MUC12: variants seen among roughly 807,000 people sequenced by gnomAD.
MUC12 encodes the protein mucin-12.
In MUC12, 172 loss-of-function variants were observed where a neutral mutation model predicts 230.8. That is an observed-to-expected ratio of 0.75 (90% CI 0.66 to 0.85). MUC12 has a LOEUF of 0.85. MUC12 is among the 40% of genes least tolerant of loss of function. The probability of loss-of-function intolerance (pLI) is 0.00; values close to 1 mark genes in which losing one functional copy is unlikely to be tolerated. For synonymous variants in MUC12, 1,259 were observed against 2,401.9 expected, an observed-to-expected ratio of 0.52 and a Z score of 13.91; for missense variants, 3,506 against 5,920.6, an observed-to-expected ratio of 0.59 and a Z score of 13.38.
intron 1 of MUC12, among the ~76,000 whole-genome samples, chr7:100,981,866 C>CTTT (rs533760849): frequency 1.0e-4 from 13 of 124,850 alleles, no homozygotes; most frequent in South Asian, 2.9e-4. Context: ...GCTGCTGCTG[C>CTTT]TTTTTTTTTT....
At chr7:101,008,889 T>A in intron 4 of MUC12, 128 bp downstream of exon 4, 1 of 1,355,554 alleles carries the variant, frequency 7.4e-7, no homozygotes, top group Non-Finnish European at 9.8e-7. Context: ...TCTCCCTAAG[T>A]CTTGAAAGGA....
intron 1 of MUC12, among the ~76,000 whole-genome samples, chr7:100,981,156 G>A (rs960472488): frequency 2.0e-5 from 3 of 152,088 alleles, no homozygotes; most frequent in African/African-American, 7.2e-5. Context: ...CTTCTCTTGG[G>A]CTTGTTGGCT....
At position 100,990,844 on chromosome 7, in the gene MUC12, C is replaced by T. The variant is rs1433284178; in HGVS notation, c.281C>T (p.Thr94Ile). The T allele has an allele frequency of 2.0e-6, 3 of 1,537,790 alleles. No homozygotes were observed. The highest frequency in any genetic ancestry group is 8.7e-7 in the Non-Finnish European group (1 of 1,146,996). The change falls in exon 2 of 12, where the codon ACA (threonine) becomes ATA (isoleucine). Residue 94 changes from threonine (T) to isoleucine (I), a missense_variant. Transcript: ENST00000536621. Reference protein sequence around the residue: ...SHSGPGATGTTLFPSHSATSV... With the variant: ...SHSGPGATGTILFPSHSATSV... Reference sequence around the variant, plus strand: ...AGCGGCCCAGGTGCAACTGGAACAACACTCTTCCCTTCCCACTCTGCAACC... The same window carrying T: ...AGCGGCCCAGGTGCAACTGGAACAATACTCTTCCCTTCCCACTCTGCAACC...
In MUC12 at chr7:101,005,166, G is replaced by A; in HGVS notation, c.14603G>A (p.Ser4868Asn). ...GSTETTAFSHSNTMSIHSQQS... is the reference protein window; with the variant it reads ...GSTETTAFSHNNTMSIHSQQS... ...ACTGAAACCACAGCGTTTTCTCACA[G>A]CAACACAATGTCCATTCATAGTCAA... The change falls in exon 2 of 12, where the codon AGC (serine) becomes AAC (asparagine). Residue 4868 changes from serine to asparagine, a missense_variant. Physicochemically the swap from Ser to Asn is conservative, Grantham distance 46. Coordinates refer to ENST00000536621, the MANE Select transcript of MUC12 (RefSeq NM_001164462.2). 1.3e-6 allele frequency: 2 copies of A among 1,537,882 alleles called. No homozygotes were observed. The highest frequency in any genetic ancestry group is 1.2e-5 in the South Asian group (1 of 84,060).
chr7:101,008,900 G>A (rs12538004), intron 4 of MUC12, 139 bp downstream of exon 4: 683,201 of 1,306,346 alleles, frequency 0.52, 180,428 homozygotes, highest in East Asian at 0.59. Context: ...CTTGAAAGGA[G>A]GTCCTTTGAG....
At chr7:100,987,965 A>T (rs1340568875) in intron 1 of MUC12, among the ~76,000 whole-genome samples, 1 of 142,964 alleles carries the variant, frequency 7.0e-6, no homozygotes, top group Non-Finnish European at 1.5e-5. Context: ...GAGTGAAACT[A>T]CGTCTAAAAA....
In MUC12 at chr7:100,991,033, C is replaced by A. The variant is rs893583187; in HGVS notation, c.470C>A (p.Thr157Lys). 1.3e-6 allele frequency: 2 copies of A among 1,537,916 alleles called. No homozygotes were observed. The highest frequency in any genetic ancestry group is 8.7e-7 in the Non-Finnish European group (1 of 1,147,064). Residue 157 changes from threonine to lysine, a missense_variant, in exon 2 of 12, where the codon ACA becomes AAA. Transcript: ENST00000536621. ...AGAACACTCTCACCTGCCCGCACGA[C>A]AAGCTCAGGCGTCAGTGAAAAATCA... ...PDRTLSPARTTSSGVSEKSTT... is the reference protein window; with the variant it reads ...PDRTLSPARTKSSGVSEKSTT...
chr7:101,013,368 C>T (rs1793866327), intron 8 of MUC12, among the ~76,000 whole-genome samples: 1 of 152,220 alleles, frequency 6.6e-6, no homozygotes, highest in African/African-American at 2.4e-5. Flanking sequence ...TGGGCAATCC[C>T]TTCCTGAGAA....
In MUC12 at chr7:101,003,391, C is replaced by A. The variant is rs1793653562; in HGVS notation, c.12828C>A (p.His4276Gln). ...TTGGTCCAGAATCTACTACCTTCCA[C>A]AGCAGCCCAGGCTCCACTGAAACAA... ...SSLGPESTTF[H>Q]SSPGSTETTL... The change falls in exon 2 of 12, where the codon CAC becomes CAA. Residue 4276 changes from histidine (H) to glutamine (Q), a missense_variant. Physicochemically the swap from His to Gln is conservative, Grantham distance 24. Coordinates refer to ENST00000536621, the MANE Select transcript of MUC12 (RefSeq NM_001164462.2). The A allele has an allele frequency of 6.6e-7, 1 of 1,524,382 alleles. No individual in the cohort carries two copies. The highest frequency in any genetic ancestry group is 1.5e-5 in the African/African-American group (1 of 67,468). The allele number at this position is 1,524,382 out of a possible 1,614,324, so 94.4% of individuals were successfully genotyped here.
intron 1 of MUC12, among the ~76,000 whole-genome samples, chr7:100,982,885 A>G (rs980102603): frequency 8.6e-5 from 13 of 151,886 alleles, no homozygotes; most frequent in Non-Finnish European, 1.9e-4. Flanking sequence ...AGGTGCATGT[A>G]CCACACTGGG....
chr7:101,008,885 T>C, intron 4 of MUC12, 124 bp downstream of exon 4: 7 of 1,366,090 alleles, frequency 5.1e-6, no homozygotes, highest in African/African-American at 1.5e-5. Context: ...CCAGTCTCCC[T>C]AAGTCTTGAA....
chr7:100,991,044 G>T lies in MUC12; in HGVS notation c.481G>T (p.Val161Phe). The change falls in exon 2 of 12, where the codon GTC becomes TTC. Residue 161 changes from valine (V) to phenylalanine (F), a missense_variant. Physicochemically the swap from Val to Phe is conservative, Grantham distance 50. Transcript: ENST00000536621. ...ACCTGCCCGCACGACAAGCTCAGGC[G>T]TCAGTGAAAAATCAACCACCTCCCA... ...LSPARTTSSG[V>F]SEKSTTSHSR... 1 of 1,537,400 alleles carries T rather than the reference G, an allele frequency of 6.5e-7. No homozygotes were observed. Among genetic ancestry groups the T allele is most frequent in the African/African-American group, 1.4e-5 (1 of 73,018 alleles).
rs1203534945 is a variant in MUC12, at chr7:100,972,183, G to A, written c.67+2494G>A. ...TCATATAATTCTCATGAGGAGATCT[G>A]TGTAAGGAAGTCGGGGCAGATGAGG... On this transcript the variant is annotated intron_variant, in intron 1 of 11. Transcript: ENST00000536621. 7.1e-6 allele frequency: 5 copies of A among 703,284 alleles called. No homozygotes were observed. The Admixed American group carries it at 8.0e-5, about 11-fold the overall frequency. 43.6% of individuals were successfully genotyped at this position (703,284 alleles called of 1,614,324 possible).
rs1374026045 is a variant in MUC12 at position 100,995,865 on chromosome 7, G to C, written c.5302G>C (p.Glu1768Gln). The change falls in exon 2 of 12, where the codon GAA becomes CAA. Residue 1768 changes from glutamate (E) to glutamine (Q), a missense_variant. Coordinates refer to ENST00000536621, the MANE Select transcript of MUC12 (RefSeq NM_001164462.2). ...CTCCACAACCTCAGGCCTCGTTGAAGAATCTACGGCGTACCACAGCAGCCC... is the reference window on the plus strand; with the variant it reads ...CTCCACAACCTCAGGCCTCGTTGAACAATCTACGGCGTACCACAGCAGCCC... ...ARSTTSGLVE[E>Q]STAYHSSPGS... The C allele has an allele frequency of 2.1e-6, 3 of 1,446,406 alleles. No homozygotes were observed. Among genetic ancestry groups the C allele is most frequent in the Non-Finnish European group, 2.8e-6 (3 of 1,080,404 alleles). The allele number at this position is 1,446,406 out of a possible 1,614,324, so 89.6% of individuals were successfully genotyped here.
intron 1 of MUC12, among the ~76,000 whole-genome samples, chr7:100,978,675 AG>A (rs962065099): frequency 7.9e-5 from 12 of 152,148 alleles, no homozygotes; most frequent in African/African-American, 2.9e-4. Flanking sequence ...TATGTCCTGG[AG>A]GTGGCAGGAG....
rs141204643 is a variant in MUC12 at position 101,004,675 on chromosome 7, C to G, written c.14112C>G (p.Thr4704=). Residue 4704 remains threonine (T), a synonymous_variant, in exon 2 of 12, where the codon ACC becomes ACG. Coordinates refer to ENST00000536621, the MANE Select transcript of MUC12 (RefSeq NM_001164462.2). The part of the protein sequence containing the change: ...GITPLPAHFT[T]SGRIAESTTF... ...CACCCTTACCTGCCCATTTTACTAC[C>G]TCAGGCCGCATTGCAGAATCTACCA... 2.5e-4 allele frequency: 385 copies of G among 1,537,878 alleles called. 5 individuals are homozygous for G. In the East Asian group the frequency reaches 7.9e-3, roughly 32 times the overall value.
intron 1 of MUC12, among the ~76,000 whole-genome samples, chr7:100,977,757 G>A (rs1446150782): frequency 1.3e-5 from 2 of 150,336 alleles, no homozygotes; most frequent in East Asian, 2.0e-4. Flanking sequence ...TTGTAGAGAC[G>A]GGGTCTTGCT....
At chr7:100,973,041 G>T (rs1344095816) in intron 1 of MUC12, 4 of 682,540 alleles carry the variant, frequency 5.9e-6, no homozygotes, top group Non-Finnish European at 1.1e-5. Flanking sequence ...GTGTGGTGGT[G>T]CTGGTGCATT....
intron 1 of MUC12, 165 bp from the exon 2 acceptor site, chr7:100,990,466 C>T: frequency 1.2e-6 from 1 of 802,802 alleles, no homozygotes; most frequent in Non-Finnish European, 1.9e-6. Context: ...TTCAAATCTA[C>T]AGGTTCAACT....
Sources: gnomAD v4.1 joint callset for allele counts (sites outside exome capture counted in the v4.1 genomes callset) on GRCh38, gnomAD v4.1.1 for gene constraint, MANE v1.5 for transcripts, NCBI Gene and HGNC (gene_info 2026-07-23, HGNC 2026-07-21) for gene names.